ELOVL6: variants seen among roughly 807,000 people sequenced by gnomAD.
The protein encoded by ELOVL6 is very long chain fatty acid elongase 6.
Under a neutral mutation model 31.7 loss-of-function variants are expected in ELOVL6, and 8 were observed. The ratio of observed to expected loss-of-function variants is 0.25; its 90% CI spans 0.15 to 0.45. The LOEUF (loss-of-function observed/expected upper bound fraction) is 0.45. Ranked by LOEUF, ELOVL6 falls within the 20% of genes least tolerant of loss-of-function variation. The pLI is 1.00. For missense variants in ELOVL6, 126 were observed against 326.4 expected, an observed-to-expected ratio of 0.39 and a Z score of 4.73; for synonymous variants, 101 against 117.7, an observed-to-expected ratio of 0.86 and a Z score of 0.92.
chr4:110,084,135 A>ATATGATATATAAATCACATATATG (rs1553955997), intron 2 of ELOVL6, among the ~76,000 whole-genome samples: 1 of 35,296 alleles, frequency 2.8e-5, no homozygotes, highest in Non-Finnish European at 4.1e-5. Flanking sequence ...ATATGTGATA[A>ATATGATATATAAATCACATATATG]TGATATATAT....
intron 1 of ELOVL6, among the ~76,000 whole-genome samples, chr4:110,108,488 T>C (rs1376678673): frequency 6.6e-6 from 1 of 152,196 alleles, no homozygotes; most frequent in Non-Finnish European, 1.5e-5. Context: ...GCCATTCACT[T>C]TTCCACAAGA....
At chr4:110,172,598 G>A (rs1314669064) in intron 1 of ELOVL6, among the ~76,000 whole-genome samples, 1 of 152,140 alleles carries the variant, frequency 6.6e-6, no homozygotes, top group Non-Finnish European at 1.5e-5. Context: ...TGAGAAAGAA[G>A]AGCCTTCTAG....
At chr4:110,071,306 T>C (rs748360102) in intron 2 of ELOVL6, among the ~76,000 whole-genome samples, 1 of 152,348 alleles carries the variant, frequency 6.6e-6, no homozygotes, top group East Asian at 1.9e-4. Context: ...GAATTATTAT[T>C]AGCACAAAGC....
chr4:110,093,504 G>A (rs1346629165), intron 2 of ELOVL6, among the ~76,000 whole-genome samples: 1 of 152,172 alleles, frequency 6.6e-6, no homozygotes, highest in African/African-American at 2.4e-5. Context: ...TAAACTTGCA[G>A]TTCTTTGTCA....
intron 1 of ELOVL6, among the ~76,000 whole-genome samples, chr4:110,188,118 T>A (rs1353292942): frequency 2.0e-5 from 3 of 152,292 alleles, no homozygotes; most frequent in Middle Eastern, 3.4e-3. Flanking sequence ...GTAGCTACAC[T>A]AAAACCTGCT....
intron 1 of ELOVL6, among the ~76,000 whole-genome samples, chr4:110,138,120 A>C (rs1757860418): frequency 6.6e-6 from 1 of 152,220 alleles, no homozygotes; most frequent in South Asian, 2.1e-4. Context: ...GACCTAATAC[A>C]ACATGCTCTA....
chr4:110,082,579 C>T (rs908112474), intron 2 of ELOVL6, among the ~76,000 whole-genome samples: 34 of 151,800 alleles, frequency 2.2e-4, no homozygotes, highest in African/African-American at 8.3e-4. Flanking sequence ...GAACATCACA[C>T]ACCAGGGCCT....
chr4:110,193,918 C>T (rs1031928900), intron 1 of ELOVL6, among the ~76,000 whole-genome samples: 5 of 152,184 alleles, frequency 3.3e-5, no homozygotes, highest in African/African-American at 1.2e-4. Flanking sequence ...ACCTCACATA[C>T]ATAATGTTAC....
In ELOVL6 at chr4:110,090,600, C is replaced by CTTTT. The variant is rs544234717; in HGVS notation, c.221+14893_221+14896dup. ...GGAACTTACAGGAAAGTTTGACTTT[C>CTTTT]TTTTTTTTTTTTTTTTTTTTCATGA... On this transcript the variant is annotated intron_variant, in intron 2 of 3. Transcript: ENST00000302274. Among the ~76,000 whole-genome samples the CTTTT allele has an allele frequency of 1.2e-3, 120 of 103,684 alleles. 1 individual carries two copies. The highest frequency in any genetic ancestry group is 2.6e-3 in the African/African-American group (60 of 23,376). The allele number at this position is 103,684 out of a possible 152,430, so 68.0% of individuals were successfully genotyped here.
chr4:110,161,521 C>G (rs1336042722), intron 1 of ELOVL6, among the ~76,000 whole-genome samples: 1 of 152,144 alleles, frequency 6.6e-6, no homozygotes, highest in African/African-American at 2.4e-5. Flanking sequence ...GCCTCCTGTT[C>G]AGCTCTCATA....
chr4:110,168,741 A>G (rs1414718487), intron 1 of ELOVL6, among the ~76,000 whole-genome samples: 1 of 152,084 alleles, frequency 6.6e-6, no homozygotes, highest in African/African-American at 2.4e-5. Flanking sequence ...GGCAGTGTGG[A>G]CCTAGACTGC....
intron 1 of ELOVL6, among the ~76,000 whole-genome samples, chr4:110,119,532 A>T (rs1342002879): frequency 6.6e-6 from 1 of 152,340 alleles, no homozygotes; most frequent in African/African-American, 2.4e-5. Flanking sequence ...TGTGCCTGTC[A>T]TCAGTTTCTA....
At chr4:110,082,448 C>T (rs1349918673) in intron 2 of ELOVL6, among the ~76,000 whole-genome samples, 44 of 151,946 alleles carry the variant, frequency 2.9e-4, no homozygotes, top group African/African-American at 9.4e-4. Flanking sequence ...TTTGTAGGGA[C>T]ATGGATGAAG....
At chr4:110,113,537 C>T (rs76607782) in intron 1 of ELOVL6, among the ~76,000 whole-genome samples, 3,351 of 146,424 alleles carry the variant, frequency 0.023, 94 homozygotes, top group African/African-American at 0.071. Flanking sequence ...ATGATTGCCC[C>T]ATGCACTCCA....
intron 2 of ELOVL6, among the ~76,000 whole-genome samples, chr4:110,069,131 AAATAATAATAAT>A (rs58966120): frequency 0.019 from 2,580 of 133,678 alleles, 86 homozygotes; most frequent in African/African-American, 0.07. Flanking sequence ...CTCTGTCTCC[AAATAATAATAAT>A]AATAATAATA....
chr4:110,178,432 C>T (rs1759176278), intron 1 of ELOVL6, among the ~76,000 whole-genome samples: 1 of 151,864 alleles, frequency 6.6e-6, no homozygotes, highest in Non-Finnish European at 1.5e-5. Flanking sequence ...GTCACTACTA[C>T]TTGGGAGGCT....
intron 2 of ELOVL6, among the ~76,000 whole-genome samples, chr4:110,097,092 G>A (rs1392405306): frequency 1.3e-5 from 2 of 152,018 alleles, no homozygotes; most frequent in African/African-American, 4.8e-5. Flanking sequence ...TGGATCACCA[G>A]GTCAGGAGTT....
intron 1 of ELOVL6, among the ~76,000 whole-genome samples, chr4:110,195,084 C>T (rs1296612985): frequency 1.3e-5 from 2 of 152,072 alleles, no homozygotes; most frequent in African/African-American, 2.4e-5. Context: ...GGGTCTAAGC[C>T]TTGGTTATGG....
chr4:110,057,985 T>G (rs188181841), intron 3 of ELOVL6, among the ~76,000 whole-genome samples: 1 of 152,062 alleles, frequency 6.6e-6, no homozygotes, highest in Non-Finnish European at 1.5e-5. Flanking sequence ...AATTAAAATA[T>G]TCTCATATAA....
Sources: gnomAD v4.1 joint callset for allele counts (sites outside exome capture counted in the v4.1 genomes callset) on GRCh38, gnomAD v4.1.1 for gene constraint, MANE v1.5 for transcripts, NCBI Gene and HGNC (gene_info 2026-07-23, HGNC 2026-07-21) for gene names.